Variants in C8orf34 observed in about 807,000 individuals in gnomAD.
C8orf34 encodes the protein uncharacterized protein C8orf34.
In C8orf34, 65 loss-of-function variants were observed where a neutral mutation model predicts 68.3. The ratio of observed to expected loss-of-function variants is 0.95; its 90% CI spans 0.78 to 1.17. The LOEUF is 1.17. C8orf34 is among the 50% of genes most tolerant of loss of function. C8orf34 has a pLI of 0.00. For synonymous variants in C8orf34, 244 were observed against 241.2 expected, an observed-to-expected ratio of 1.01 and a Z score of -0.11; for missense variants, 664 against 655.4, an observed-to-expected ratio of 1.01 and a Z score of -0.14.
chr8:68,657,884 A>G (rs902779201), intron 8 of C8orf34, among the ~76,000 whole-genome samples: 3 of 152,250 alleles, frequency 2.0e-5, no homozygotes, highest in Non-Finnish European at 4.4e-5. Flanking sequence ...TTATGCAGTC[A>G]GAAAGCTGAG....
intron 5 of C8orf34, among the ~76,000 whole-genome samples, chr8:68,509,039 G>A (rs547557597): frequency 6.6e-5 from 10 of 152,206 alleles, no homozygotes; most frequent in African/African-American, 2.4e-4. Flanking sequence ...CAGGTCAGTT[G>A]GAGTTTTTCT....
intron 5 of C8orf34, 31 bp from the exon 6 acceptor site, chr8:68,521,768 C>G: frequency 6.3e-7 from 1 of 1,591,644 alleles, no homozygotes; most frequent in Non-Finnish European, 8.6e-7. Flanking sequence ...AAAAAGCCAT[C>G]TAAGACAGCA....
At chr8:68,783,203 C>T (rs117245290) in intron 11 of C8orf34, among the ~76,000 whole-genome samples, 2 of 152,102 alleles carry the variant, frequency 1.3e-5, no homozygotes, top group African/African-American at 4.8e-5. Flanking sequence ...CTGAAGGCAA[C>T]CTGCCTCCCA....
At chr8:68,592,596 CTT>C (rs869214252) in intron 7 of C8orf34, among the ~76,000 whole-genome samples, 3 of 26,522 alleles carry the variant, frequency 1.1e-4, no homozygotes, top group African/African-American at 4.3e-4. Context: ...TTTATCTCTT[CTT>C]TTTTTTTTTT....
At chr8:68,560,011 C>T (rs1004288096) in intron 7 of C8orf34, among the ~76,000 whole-genome samples, 6 of 151,966 alleles carry the variant, frequency 3.9e-5, no homozygotes, top group South Asian at 2.1e-4. Context: ...CAGACAGAGG[C>T]GGAATACTGA....
chr8:68,790,774 G>C (rs1247304525), intron 12 of C8orf34: 7 of 654,392 alleles, frequency 1.1e-5, no homozygotes, highest in Non-Finnish European at 1.9e-5. Context: ...GAATCTACTG[G>C]GGTACTTGTT....
intron 8 of C8orf34, among the ~76,000 whole-genome samples, chr8:68,705,600 T>A (rs1821140367): frequency 6.6e-6 from 1 of 151,766 alleles, no homozygotes; most frequent in Non-Finnish European, 1.5e-5. Context: ...GGTTGAGGAG[T>A]AGGAGTGAAT....
chr8:68,338,728 A>G (rs1286478503), intron 1 of C8orf34, among the ~76,000 whole-genome samples: 1 of 152,136 alleles, frequency 6.6e-6, no homozygotes, highest in East Asian at 1.9e-4. Context: ...TTATGTAAAT[A>G]CCTGGAGTGG....
chr8:68,480,343 G>T (rs768765298), intron 4 of C8orf34, among the ~76,000 whole-genome samples: 5 of 152,200 alleles, frequency 3.3e-5, no homozygotes, highest in Non-Finnish European at 7.3e-5. Context: ...CTCCAGCCAT[G>T]TGGAGATGTA....
At chr8:68,593,441 C>T (rs937045251) in intron 7 of C8orf34, among the ~76,000 whole-genome samples, 2 of 151,792 alleles carry the variant, frequency 1.3e-5, no homozygotes, top group Non-Finnish European at 2.9e-5. Context: ...CAAAATATGC[C>T]GGGTCCATCT....
intron 11 of C8orf34, 99 bp downstream of exon 11, chr8:68,776,548 A>C: frequency 1.1e-6 from 1 of 903,914 alleles, no homozygotes; most frequent in Non-Finnish European, 1.8e-6. Flanking sequence ...TAGGGTTTCT[A>C]GTCTGTATGT....
intron 10 of C8orf34, among the ~76,000 whole-genome samples, chr8:68,757,911 T>C (rs1302832081): frequency 6.6e-6 from 1 of 152,200 alleles, no homozygotes; most frequent in Admixed American, 6.5e-5. Flanking sequence ...CAACTTTATA[T>C]GGTTCTAGGA....
At chr8:68,725,119 G>A (rs1002398445) in intron 10 of C8orf34, among the ~76,000 whole-genome samples, 3 of 151,872 alleles carry the variant, frequency 2.0e-5, no homozygotes, top group Non-Finnish European at 2.9e-5. Context: ...CTCCTTCCTC[G>A]GCCACCTAAA....
At chr8:68,813,493 T>C (rs950761070) in intron 12 of C8orf34, among the ~76,000 whole-genome samples, 1 of 152,198 alleles carries the variant, frequency 6.6e-6, no homozygotes, top group Admixed American at 6.5e-5. Flanking sequence ...CCATGCTCTA[T>C]GGGACTGGAA....
intron 5 of C8orf34, among the ~76,000 whole-genome samples, chr8:68,492,813 G>A (rs1813371555): frequency 6.6e-6 from 1 of 151,634 alleles, no homozygotes; most frequent in South Asian, 2.1e-4. Flanking sequence ...AGCGAGCACA[G>A]TGACTGCATC....
At chr8:68,753,886 T>G (rs1411507862) in intron 10 of C8orf34, among the ~76,000 whole-genome samples, 1 of 152,152 alleles carries the variant, frequency 6.6e-6, no homozygotes, top group Non-Finnish European at 1.5e-5. Flanking sequence ...TTTCTTGGTG[T>G]GTGTTCTGCT....
intron 11 of C8orf34, among the ~76,000 whole-genome samples, chr8:68,778,846 A>G (rs914944748): frequency 2.6e-5 from 4 of 152,192 alleles, no homozygotes; most frequent in African/African-American, 9.7e-5. Context: ...AATCTGGATT[A>G]TCATAATTTT....
At chr8:68,532,858 C>T in intron 6 of C8orf34, 125 bp from the exon 7 acceptor site, 1 of 643,158 alleles carries the variant, frequency 1.6e-6, no homozygotes, top group East Asian at 3.0e-5. Flanking sequence ...ATGATATTTC[C>T]ATTATCCTTG....
chr8:68,465,049 C>T (rs1254665260), intron 3 of C8orf34, among the ~76,000 whole-genome samples: 6 of 150,972 alleles, frequency 4.0e-5, no homozygotes, highest in South Asian at 4.3e-4. Flanking sequence ...GCAACCTGCT[C>T]ATCTGACAAA....
Sources: gnomAD v4.1 joint callset for allele counts (sites outside exome capture counted in the v4.1 genomes callset) on GRCh38, gnomAD v4.1.1 for gene constraint, MANE v1.5 for transcripts, NCBI Gene and HGNC (gene_info 2026-07-23, HGNC 2026-07-21) for gene names.